Variants in NYAP2 observed in about 807,000 individuals in gnomAD.
The protein encoded by NYAP2 is neuronal tyrosine-phosphorylated phosphoinositide-3-kinase adapter 2.
In NYAP2, 23 loss-of-function variants were observed where a neutral mutation model predicts 50.4. The observed-to-expected ratio is 0.46, with a 90% CI of 0.33 to 0.65. NYAP2 has a LOEUF of 0.65. Ranked by LOEUF, NYAP2 falls within the 30% of genes least tolerant of loss-of-function variation. The probability of loss-of-function intolerance (pLI) is 0.02; values close to 1 mark genes in which losing one functional copy is unlikely to be tolerated. For synonymous variants in NYAP2, 394 were observed against 365.2 expected (o/e 1.08, Z -0.90); for missense variants, 885 against 861.0 (o/e 1.03, Z -0.35).
At chr2:225,446,216 G>GTCTCTCTCTC (rs1271105292) in intron 3 of NYAP2, among the ~76,000 whole-genome samples, 71 of 69,584 alleles carry the variant, frequency 1.0e-3, no homozygotes, top group East Asian at 4.0e-3. Context: ...CTGTCTGTCT[G>GTCTCTCTCTC]TCTCTCTCTC....
intron 4 of NYAP2, among the ~76,000 whole-genome samples, chr2:225,515,466 T>C (rs1177029172): frequency 6.7e-6 from 1 of 149,824 alleles, no homozygotes; most frequent in Non-Finnish European, 1.5e-5. Flanking sequence ...ACAATGAACA[T>C]TCATGTGTGT....
chr2:225,475,545 T>C, intron 3 of NYAP2, among the ~76,000 whole-genome samples: 1 of 152,248 alleles, frequency 6.6e-6, no homozygotes, highest in Non-Finnish European at 1.5e-5. Flanking sequence ...AATGGTATTT[T>C]GACATTTTTC....
At chr2:225,438,159 T>G (rs77535684) in intron 3 of NYAP2, among the ~76,000 whole-genome samples, 2,638 of 152,330 alleles carry the variant, frequency 0.017, 65 homozygotes, top group East Asian at 0.1. Flanking sequence ...GATACTTTAT[T>G]CTGCTCTGCC....
chr2:225,446,461 A>G (rs1689567623), intron 3 of NYAP2, among the ~76,000 whole-genome samples: 1 of 151,880 alleles, frequency 6.6e-6, no homozygotes, highest in Admixed American at 6.6e-5. Context: ...CAAAAACCCA[A>G]AAACCAATTG....
chr2:225,600,016 T>A (rs1199409437), intron 5 of NYAP2, among the ~76,000 whole-genome samples: 1 of 152,118 alleles, frequency 6.6e-6, no homozygotes, highest in Non-Finnish European at 1.5e-5. Flanking sequence ...GACAGGGGAA[T>A]TGCAACAGAG....
chr2:225,657,102 CTTTTTTTTTTT>C (rs375126014), downstream of NYAP2, among the ~76,000 whole-genome samples: 3 of 101,068 alleles, frequency 3.0e-5, no homozygotes, highest in East Asian at 2.7e-4. Context: ...AATCTAATTC[CTTTTTTTTTTT>C]TTTTTTTTTT....
At chr2:225,417,640 G>A (rs185738036) in intron 3 of NYAP2, among the ~76,000 whole-genome samples, 6 of 152,016 alleles carry the variant, frequency 3.9e-5, no homozygotes, top group Admixed American at 6.6e-5. Flanking sequence ...TTGCATTTTC[G>A]TCTCTGATTT....
intron 5 of NYAP2, among the ~76,000 whole-genome samples, chr2:225,612,855 C>CACACCCAGTGTGTG (rs1277985514): frequency 6.7e-6 from 1 of 149,956 alleles, no homozygotes; most frequent in Non-Finnish European, 1.5e-5. Flanking sequence ...GACATCACAT[C>CACACCCAGTGTGTG]TGGGTCTAGA....
intron 3 of NYAP2, among the ~76,000 whole-genome samples, chr2:225,443,499 T>C (rs1412387222): frequency 6.6e-6 from 1 of 151,996 alleles, no homozygotes; most frequent in Non-Finnish European, 1.5e-5. Context: ...CTTTTACACA[T>C]CAATACTACG....
At chr2:225,671,454 T>C in the NYAP2 span, among the ~76,000 whole-genome samples, 4 of 152,148 alleles carry the variant, frequency 2.6e-5, no homozygotes, top group Non-Finnish European at 4.4e-5. Context: ...TTCAGTTACT[T>C]CTTCAAGCTC....
At position 225,443,445 on chromosome 2, in the gene NYAP2, T is replaced by G. The variant is rs146569950; in HGVS notation, c.221+34344T>G. On this transcript the variant is annotated intron_variant, in intron 3 of 6. Coordinates refer to ENST00000636099, the Ensembl canonical transcript of NYAP2. ...ACGCAGCTCTGGGAGCAGACATAGGTTGCCAGGTGAAATGACATTCTAATG... is the reference window on the plus strand; with the variant it reads ...ACGCAGCTCTGGGAGCAGACATAGGGTGCCAGGTGAAATGACATTCTAATG... 7.1e-3 allele frequency among the ~76,000 whole-genome samples: 1,081 copies of G among 152,082 alleles called. 11 individuals are homozygous for G. Among genetic ancestry groups the G allele is most frequent in the African/African-American group, 0.024 (1,010 of 41,468 alleles).
chr2:225,577,644 C>A (rs1228872575), intron 4 of NYAP2, among the ~76,000 whole-genome samples: 1 of 151,876 alleles, frequency 6.6e-6, no homozygotes, highest in Non-Finnish European at 1.5e-5. Flanking sequence ...AAGGTAAGAC[C>A]AGATGATTCA....
chr2:225,644,995 C>T (rs1448420794), intron 6 of NYAP2, among the ~76,000 whole-genome samples: 1 of 152,146 alleles, frequency 6.6e-6, no homozygotes, highest in South Asian at 2.1e-4. Flanking sequence ...CACACTTCCT[C>T]ATGCCTGTAA....
intron 6 of NYAP2, among the ~76,000 whole-genome samples, chr2:225,640,189 C>G (rs1693502955): frequency 6.6e-6 from 1 of 152,204 alleles, no homozygotes; most frequent in Admixed American, 6.5e-5. Flanking sequence ...AATAACCTGC[C>G]TTATAAATCC....
chr2:225,693,812 G>A, the NYAP2 span, among the ~76,000 whole-genome samples: 4 of 151,952 alleles, frequency 2.6e-5, no homozygotes, highest in East Asian at 3.9e-4. Flanking sequence ...GGGCACAAAC[G>A]TTCAGACCAT....
chr2:225,643,072 A>G (rs1693560608), intron 6 of NYAP2, among the ~76,000 whole-genome samples: 2 of 152,240 alleles, frequency 1.3e-5, no homozygotes, highest in Non-Finnish European at 2.9e-5. Flanking sequence ...TGATTAATCA[A>G]GAGTATCTTT....
At chr2:225,482,552 G>A (rs1690224235) in intron 3 of NYAP2, among the ~76,000 whole-genome samples, 1 of 152,188 alleles carries the variant, frequency 6.6e-6, no homozygotes, top group South Asian at 2.1e-4. Flanking sequence ...TAGAAAGAGA[G>A]TGTGGGGTTT....
chr2:225,562,435 C>T (rs10933100), intron 4 of NYAP2, among the ~76,000 whole-genome samples: 4,164 of 151,876 alleles, frequency 0.027, 182 homozygotes, highest in African/African-American at 0.093. Flanking sequence ...TGGGGTATGC[C>T]CTTGAAAGCT....
chr2:225,598,158 A>G lies in NYAP2; in HGVS notation c.1618+15123A>G, dbSNP rs560991619. On this transcript the variant is annotated intron_variant, in intron 5 of 6. Transcript: ENST00000636099. ...CGATGCAGTCCAGTACCCTTGCGCCATAAAGAATAACTCTGAGAACAAAGA... is the reference window on the plus strand; with the variant it reads ...CGATGCAGTCCAGTACCCTTGCGCCGTAAAGAATAACTCTGAGAACAAAGA... Among the ~76,000 whole-genome samples the G allele has an allele frequency of 5.5e-4, 83 of 152,278 alleles. 3 individuals are homozygous for G. In the South Asian group the frequency reaches 0.016, roughly 30 times the overall value.
Sources: allele counts gnomAD v4.1 joint callset (sites outside exome capture counted in the v4.1 genomes callset), GRCh38; gene constraint gnomAD v4.1.1; transcripts MANE v1.5; gene names NCBI Gene and HGNC (gene_info 2026-07-23, HGNC 2026-07-21).